CDH12: variants seen among roughly 807,000 people sequenced by gnomAD.
The protein encoded by CDH12 is cadherin 12, also known as cadherin-12.
A neutral mutation model predicts 74.1 loss-of-function variants in CDH12; 41 were observed. That is an observed-to-expected ratio of 0.55 (90% CI 0.43 to 0.72). The LOEUF (loss-of-function observed/expected upper bound fraction) is 0.72. Ranked by LOEUF, CDH12 falls within the 30% of genes least tolerant of loss-of-function variation. CDH12 has a pLI of 0.00. For missense variants in CDH12, 945 were observed against 977.2 expected (o/e 0.97, Z 0.44); for synonymous variants, 399 against 355.0 (o/e 1.12, Z -1.39).
chr5:22,398,546 T>C (rs1418485484), intron 3 of CDH12, among the ~76,000 whole-genome samples: 1 of 152,098 alleles, frequency 6.6e-6, no homozygotes, highest in Non-Finnish European at 1.5e-5. Flanking sequence ...TGATTTGACA[T>C]GGTCTGGACC....
chr5:22,208,686 GGGCTGTCTTAGACCTT>G (rs1751363575), intron 4 of CDH12, among the ~76,000 whole-genome samples: 1 of 152,124 alleles, frequency 6.6e-6, no homozygotes, highest in Non-Finnish European at 1.5e-5. Flanking sequence ...AGTCTAGAGA[GGGCTGTCTTAGACCTT>G]GGCACATTCA....
intron 1 of CDH12, among the ~76,000 whole-genome samples, chr5:22,680,693 A>G (rs889838486): frequency 2.6e-5 from 4 of 152,062 alleles, no homozygotes; most frequent in Non-Finnish European, 5.9e-5. Flanking sequence ...CAATTCCTAC[A>G]AAACACATTG....
intron 1 of CDH12, among the ~76,000 whole-genome samples, chr5:22,661,735 G>A (rs1274986619): frequency 6.6e-6 from 1 of 151,974 alleles, no homozygotes; most frequent in Non-Finnish European, 1.5e-5. Flanking sequence ...AAAGAAACAA[G>A]ATATTTAGGC....
At chr5:21,952,376 G>C (rs922238519) in intron 6 of CDH12, among the ~76,000 whole-genome samples, 1 of 152,150 alleles carries the variant, frequency 6.6e-6, no homozygotes, top group African/African-American at 2.4e-5. Context: ...CATTTTTATG[G>C]AAACCAGGAT....
At chr5:22,223,241 G>A (rs879507550) in intron 3 of CDH12, among the ~76,000 whole-genome samples, 6 of 152,010 alleles carry the variant, frequency 3.9e-5, no homozygotes, top group Non-Finnish European at 8.8e-5. Context: ...CAGTTTGGTA[G>A]CAAGCATGAA....
intron 1 of CDH12, among the ~76,000 whole-genome samples, chr5:22,729,354 T>C (rs1744317452): frequency 6.6e-6 from 1 of 151,878 alleles, no homozygotes; most frequent in Non-Finnish European, 1.5e-5. Context: ...TCTTCATGCT[T>C]CAAATCTCTG....
intron 1 of CDH12, among the ~76,000 whole-genome samples, chr5:22,815,769 C>CAAAAAA (rs34135797): frequency 7.2e-5 from 7 of 97,036 alleles, no homozygotes; most frequent in Non-Finnish European, 1.2e-4. Flanking sequence ...GACTCCGTCT[C>CAAAAAA]AAAAAAAAAA....
intron 5 of CDH12, among the ~76,000 whole-genome samples, chr5:22,071,298 G>A (rs1741924927): frequency 6.6e-6 from 1 of 152,004 alleles, no homozygotes; most frequent in Non-Finnish European, 1.5e-5. Flanking sequence ...TATCAACAGG[G>A]CATTCCTCAG....
At position 22,518,278 on chromosome 5, in the gene CDH12, C is replaced by T. The variant is rs112926301; in HGVS notation, c.-522-12914G>A. Reference sequence around the variant, plus strand: ...ATCATTTACTGTCAAATGTCTCATTCCTGAATAATTTTATGTGTTTCTCCA... The same window carrying T: ...ATCATTTACTGTCAAATGTCTCATTTCTGAATAATTTTATGTGTTTCTCCA... On this transcript the variant is annotated intron_variant, in intron 1 of 14. Transcript: ENST00000382254. Among the ~76,000 whole-genome samples the T allele has an allele frequency of 7.7e-3, 1,169 of 152,328 alleles. 13 individuals carry two copies. The highest frequency in any genetic ancestry group is 0.026 in the African/African-American group (1,095 of 41,572).
At chr5:22,291,628 T>C (rs747307923) in intron 3 of CDH12, among the ~76,000 whole-genome samples, 5 of 152,014 alleles carry the variant, frequency 3.3e-5, no homozygotes, top group Non-Finnish European at 5.9e-5. Context: ...CATGAAATAA[T>C]TGAATTTAAT....
At chr5:22,393,566 G>A (rs184195435) in intron 3 of CDH12, among the ~76,000 whole-genome samples, 245 of 152,168 alleles carry the variant, frequency 1.6e-3, no homozygotes, top group Non-Finnish European at 2.1e-3. Flanking sequence ...ACCGAAAAAT[G>A]TGGCTTTGAA....
Position 22,540,328 on chromosome 5 carries a change from T to C in CDH12, c.-522-34964A>G, listed in dbSNP as rs1738047597. 3.3e-5 allele frequency among the ~76,000 whole-genome samples: 5 copies of C among 152,222 alleles called. No individual in the cohort carries two copies. The South Asian group carries it at 1.0e-3, about 32-fold the overall frequency. On this transcript the variant is annotated intron_variant, in intron 1 of 14. Coordinates refer to ENST00000382254, the MANE Select transcript of CDH12 (RefSeq NM_004061.5). ...GAAAACTACACAAAATCATAGAAGT[T>C]ATTATTATGTTTAATTCCAAATAAG...
At chr5:22,530,566 T>A (rs1330405949) in intron 1 of CDH12, among the ~76,000 whole-genome samples, 2 of 152,066 alleles carry the variant, frequency 1.3e-5, no homozygotes, top group Non-Finnish European at 2.9e-5. Flanking sequence ...AGATAATAGC[T>A]ATATTTAATA....
chr5:21,925,084 T>A (rs575275211), intron 6 of CDH12, among the ~76,000 whole-genome samples: 23 of 151,996 alleles, frequency 1.5e-4, no homozygotes, highest in African/African-American at 4.3e-4. Context: ...AAGAAAAAAA[T>A]TCCCAGCTAC....
intron 5 of CDH12, among the ~76,000 whole-genome samples, chr5:22,001,783 G>T (rs1255912998): frequency 6.6e-6 from 1 of 151,320 alleles, no homozygotes; most frequent in Non-Finnish European, 1.5e-5. Flanking sequence ...CCCAAATAAT[G>T]ATTAGAGATG....
At chr5:22,840,846 C>G (rs1285423792) in intron 1 of CDH12, among the ~76,000 whole-genome samples, 1 of 152,164 alleles carries the variant, frequency 6.6e-6, no homozygotes, top group East Asian at 1.9e-4. Flanking sequence ...TTGAAGGTAA[C>G]TAGCCAAGTA....
At chr5:22,094,095 T>C (rs761296058) in intron 4 of CDH12, among the ~76,000 whole-genome samples, 4 of 152,300 alleles carry the variant, frequency 2.6e-5, no homozygotes, top group Non-Finnish European at 5.9e-5. Context: ...CGCCCACATT[T>C]GCTTTATCTG....
At chr5:22,767,618 A>T (rs143587434) in intron 1 of CDH12, among the ~76,000 whole-genome samples, 3 of 151,936 alleles carry the variant, frequency 2.0e-5, no homozygotes, top group Admixed American at 1.3e-4. Context: ...ATATTTATTT[A>T]TGGATTTTTA....
At chr5:22,158,977 GTTAC>G (rs1748177407) in intron 4 of CDH12, among the ~76,000 whole-genome samples, 1 of 151,998 alleles carries the variant, frequency 6.6e-6, no homozygotes, top group Non-Finnish European at 1.5e-5. Flanking sequence ...ATAAAACTTC[GTTAC>G]TTAAAAATTT....
Sources: gnomAD v4.1 joint callset for allele counts (sites outside exome capture counted in the v4.1 genomes callset) on GRCh38, gnomAD v4.1.1 for gene constraint, MANE v1.5 for transcripts, NCBI Gene and HGNC (gene_info 2026-07-23, HGNC 2026-07-21) for gene names.